The following CLVS1 variants were observed in gnomAD, a reference collection of about 807,000 sequenced individuals.
CLVS1 encodes clavesin-1.
In CLVS1, 10 loss-of-function variants were observed where a neutral mutation model predicts 33.1. The ratio of observed to expected loss-of-function variants is 0.30; its 90% CI spans 0.19 to 0.51. The LOEUF (loss-of-function observed/expected upper bound fraction) is 0.51. Among genes scored for constraint, CLVS1 ranks in the 20% least tolerant of loss-of-function variants. The pLI is 0.97. For missense variants in CLVS1, 343 were observed against 433.4 expected, an observed-to-expected ratio of 0.79 and a Z score of 1.85; for synonymous variants, 163 against 166.1, an observed-to-expected ratio of 0.98 and a Z score of 0.14.
At chr8:61,081,563 G>A (rs1415597624) in intron 1 of CLVS1, among the ~76,000 whole-genome samples, 1 of 152,118 alleles carries the variant, frequency 6.6e-6, no homozygotes, top group Non-Finnish European at 1.5e-5. Flanking sequence ...GAAGAGCCTT[G>A]GTGAGAAAAA....
chr8:60,976,432 A>G, the CLVS1 span, among the ~76,000 whole-genome samples: 1 of 151,680 alleles, frequency 6.6e-6, no homozygotes, highest in African/African-American at 2.4e-5. Flanking sequence ...ATCATGGCTC[A>G]CTGCAGCCTC....
chr8:61,266,214 T>C (rs1809299725), intron 2 of CLVS1, among the ~76,000 whole-genome samples: 1 of 152,160 alleles, frequency 6.6e-6, no homozygotes, highest in African/African-American at 2.4e-5. Flanking sequence ...TTCCCCATCC[T>C]TATCTTTGAT....
rs13282698 is a variant in CLVS1 at position 61,115,621 on chromosome 8, G to A, written c.-242-16149G>A. ...TTCCCACCTATGAGTGAGAATATGC[G>A]GTGTTTGGTTTTTTGTTCTTGCGAT... is the stretch of plus-strand genomic sequence containing the variant. On this transcript the variant is annotated intron_variant, in intron 1 of 2. Transcript: ENST00000522621. Among the ~76,000 whole-genome samples, 1,349 of 151,824 alleles carry A rather than the reference G, an allele frequency of 8.9e-3. 7 individuals carry two copies. The highest frequency in any genetic ancestry group is 0.017 in the Middle Eastern group (5 of 294).
intron 5 of CLVS1, among the ~76,000 whole-genome samples, chr8:61,478,738 T>A (rs2129608072): frequency 6.6e-6 from 1 of 152,344 alleles, no homozygotes; most frequent in East Asian, 1.9e-4. Flanking sequence ...GTCTCCTAAA[T>A]ACAGCACACT....
At chr8:61,293,692 T>G (rs2129594022) in intron 1 of CLVS1, among the ~76,000 whole-genome samples, 1 of 152,262 alleles carries the variant, frequency 6.6e-6, no homozygotes, top group African/African-American at 2.4e-5. Flanking sequence ...TTGAAGTAAG[T>G]TTTTAGCAAG....
intron 2 of CLVS1, among the ~76,000 whole-genome samples, chr8:61,337,664 A>G (rs1811854397): frequency 6.6e-6 from 1 of 152,216 alleles, no homozygotes. Context: ...CCATACAACC[A>G]TTTAATCTGC....
chr8:61,363,794 A>G (rs1813081240), intron 2 of CLVS1, among the ~76,000 whole-genome samples: 2 of 152,246 alleles, frequency 1.3e-5, no homozygotes, highest in Non-Finnish European at 1.5e-5. Context: ...GAACAAAAGT[A>G]GGTCCAATAG....
chr8:61,262,983 C>G (rs1223911918), intron 2 of CLVS1, among the ~76,000 whole-genome samples: 2 of 152,156 alleles, frequency 1.3e-5, no homozygotes, highest in Non-Finnish European at 2.9e-5. Context: ...TTAGTTAAAC[C>G]TGCTGTGCCA....
intron 2 of CLVS1, among the ~76,000 whole-genome samples, chr8:61,308,464 G>A (rs1023710479): frequency 2.6e-5 from 4 of 152,144 alleles, no homozygotes; most frequent in East Asian, 1.9e-4. Context: ...GTGCATGCGC[G>A]CCATGAGTCA....
intron 3 of CLVS1, among the ~76,000 whole-genome samples, chr8:61,429,477 A>T (rs2129605241): frequency 6.6e-6 from 1 of 151,880 alleles, no homozygotes; most frequent in African/African-American, 2.4e-5. Flanking sequence ...TAAAATTGTA[A>T]AATTCATCTT....
At chr8:61,087,568 T>G (rs1408302215) in intron 1 of CLVS1, among the ~76,000 whole-genome samples, 2 of 152,146 alleles carry the variant, frequency 1.3e-5, no homozygotes, top group African/African-American at 2.4e-5. Context: ...GGTGGCATAC[T>G]GTGACGTGCC....
chr8:61,289,531 T>C (rs1014759381), intron 1 of CLVS1, among the ~76,000 whole-genome samples: 4 of 152,256 alleles, frequency 2.6e-5, no homozygotes, highest in African/African-American at 4.8e-5. Context: ...TTGGGATTTT[T>C]TGACAAGTTA....
At chr8:60,979,664 C>T in the CLVS1 span, among the ~76,000 whole-genome samples, 3 of 152,120 alleles carry the variant, frequency 2.0e-5, no homozygotes, top group African/African-American at 7.2e-5. Flanking sequence ...ATTTAAGGAG[C>T]CCACATGGTC....
At chr8:60,998,390 C>T in the CLVS1 span, among the ~76,000 whole-genome samples, 1 of 152,064 alleles carries the variant, frequency 6.6e-6, no homozygotes, top group Non-Finnish European at 1.5e-5. Context: ...AATGTCACAC[C>T]GGAATACCCG....
At chr8:61,089,150 T>C (rs1267457861) in intron 1 of CLVS1, among the ~76,000 whole-genome samples, 9 of 152,182 alleles carry the variant, frequency 5.9e-5, no homozygotes, top group African/African-American at 1.9e-4. Flanking sequence ...TGCTATCTCA[T>C]TGTGGTTTTA....
intron 5 of CLVS1, among the ~76,000 whole-genome samples, chr8:61,495,954 A>C (rs1286539236): frequency 6.6e-6 from 1 of 152,178 alleles, no homozygotes; most frequent in African/African-American, 2.4e-5. Context: ...GAGGGCTAAA[A>C]GGTACTTGTG....
At chr8:61,436,460 T>G (rs947179711) in intron 3 of CLVS1, among the ~76,000 whole-genome samples, 1 of 152,210 alleles carries the variant, frequency 6.6e-6, no homozygotes, top group Non-Finnish European at 1.5e-5. Flanking sequence ...CATGGCCATA[T>G]TCTAAGGACA....
intron 2 of CLVS1, among the ~76,000 whole-genome samples, chr8:61,306,083 T>TGG (rs1810616568): frequency 2.0e-5 from 3 of 152,170 alleles, no homozygotes; most frequent in Admixed American, 2.0e-4. Flanking sequence ...CAAGTGGTAT[T>TGG]TCTGTCTTCA....
intron 5 of CLVS1, among the ~76,000 whole-genome samples, chr8:61,461,686 A>T (rs1489633875): frequency 1.3e-5 from 2 of 152,204 alleles, no homozygotes; most frequent in Non-Finnish European, 2.9e-5. Context: ...AACAAGATTC[A>T]ATAAATGTCT....
Sources: gnomAD v4.1 joint callset for allele counts (sites outside exome capture counted in the v4.1 genomes callset) on GRCh38, gnomAD v4.1.1 for gene constraint, MANE v1.5 for transcripts, NCBI Gene and HGNC (gene_info 2026-07-23, HGNC 2026-07-21) for gene names.